The following SYNE3 variants were observed in gnomAD, a reference collection of about 807,000 sequenced individuals.
SYNE3 encodes spectrin repeat containing nuclear envelope family member 3.
In SYNE3, 100 loss-of-function variants were observed where a neutral mutation model predicts 111.2. The observed-to-expected ratio is 0.90, with a 90% CI of 0.77 to 1.06. The LOEUF (loss-of-function observed/expected upper bound fraction) is 1.06. Among genes scored for constraint, SYNE3 ranks in the 50% least tolerant of loss-of-function variants. The probability of loss-of-function intolerance (pLI) is 0.00; values close to 1 mark genes in which losing one functional copy is unlikely to be tolerated. For synonymous variants in SYNE3, 547 were observed against 533.9 expected, an observed-to-expected ratio of 1.02 and a Z score of -0.34; for missense variants, 1,160 against 1,240.3, an observed-to-expected ratio of 0.94 and a Z score of 0.97.
rs757846127 is a variant in SYNE3 at position 95,439,891 on chromosome 14, G to A, written c.2073+23C>T. On this transcript the variant is annotated intron_variant, in intron 12 of 17. Coordinates refer to ENST00000682763, the MANE Select transcript of SYNE3 (RefSeq NM_152592.6). Reference sequence around the variant, plus strand: ...TGTCAAGGCTGCTTCTTTGGGAAGTGGGTGAGGGAACCACCGCCTTACCTC... The same window carrying A: ...TGTCAAGGCTGCTTCTTTGGGAAGTAGGTGAGGGAACCACCGCCTTACCTC... 60 of 1,604,022 alleles carry A rather than the reference G, an allele frequency of 3.7e-5. 1 individual carries two copies. In the East Asian group the frequency reaches 1.3e-3, roughly 36 times the overall value.
intron 1 of SYNE3, among the ~76,000 whole-genome samples, chr14:95,506,915 C>T (rs1009345914): frequency 3.3e-5 from 5 of 152,196 alleles, no homozygotes; most frequent in Non-Finnish European, 7.4e-5. Flanking sequence ...TCCAGGAGCA[C>T]AGAGAAACTC....
intron 1 of SYNE3, among the ~76,000 whole-genome samples, chr14:95,512,581 G>A (rs1221238052): frequency 6.7e-6 from 1 of 150,330 alleles, no homozygotes; most frequent in Non-Finnish European, 1.5e-5. Context: ...GGCTGGGCAC[G>A]GTGGCTCATG....
At chr14:95,423,758 T>G in intron 17 of SYNE3, among the ~76,000 whole-genome samples, 1 of 88,830 alleles carries the variant, frequency 1.1e-5, no homozygotes, top group Non-Finnish European at 2.2e-5. Flanking sequence ...TTGATGGGGA[T>G]GGGGTTTTGA....
intron 1 of SYNE3, among the ~76,000 whole-genome samples, chr14:95,509,591 G>C (rs935896002): frequency 8.5e-5 from 13 of 152,218 alleles, no homozygotes; most frequent in Admixed American, 8.5e-4. Flanking sequence ...ACAGAGACTA[G>C]CCCAGGTGAA....
At chr14:95,430,764 C>T (rs1340955371) in intron 17 of SYNE3, among the ~76,000 whole-genome samples, 2 of 149,722 alleles carry the variant, frequency 1.3e-5, no homozygotes, top group Non-Finnish European at 2.9e-5. Flanking sequence ...GCAGAGGTTG[C>T]AGTGAGCTGA....
rs755486551 is a variant in SYNE3, at chr14:95,466,004, C to A, written c.554G>T (p.Gly185Val). ...GGCATCTTCGTCCACGCTGGGGTCC[C>A]CGATCCTGTTGAACAGGGAGGCTGC... ...EEAASLFNRI[G>V]DPSVDEDAQK... The change falls in exon 4 of 18, where the codon GGG (glycine) becomes GTG (valine). Residue 185 changes from glycine (G) to valine (V), a missense_variant. Transcript: ENST00000682763. The A allele has an allele frequency of 3.0e-5, 49 of 1,610,772 alleles. No homozygotes were observed. The highest frequency in any genetic ancestry group is 3.9e-5 in the Non-Finnish European group (46 of 1,177,342).
In SYNE3 at chr14:95,432,150, G is replaced by GA. The variant is rs539438627; in HGVS notation, c.2689-34dup. 336 of 1,589,144 alleles carry GA rather than the reference G, an allele frequency of 2.1e-4. 1 individual carries two copies. The highest frequency in any genetic ancestry group is 1.4e-3 in the East Asian group (63 of 44,500). On this transcript the variant is annotated intron_variant, in intron 16 of 17. Transcript: ENST00000682763. ...TTTAGGGAAGGAGAGGAAAAGGGGG[G>GA]AAAAAAATAAGTTAAGTGAGTGAAA...
chr14:95,463,294 G>C (rs1256795150), intron 4 of SYNE3, among the ~76,000 whole-genome samples: 1 of 152,204 alleles, frequency 6.6e-6, no homozygotes, highest in African/African-American at 2.4e-5. Flanking sequence ...ATAGCGTTTT[G>C]GATTGTGTGA....
chr14:95,427,822 T>C (rs1211171), intron 17 of SYNE3, among the ~76,000 whole-genome samples: 67,914 of 152,020 alleles, frequency 0.45, 16,282 homozygotes, highest in Admixed American at 0.55. Context: ...CTCTTTGTCT[T>C]GTGTCTTTAT....
intron 6 of SYNE3, among the ~76,000 whole-genome samples, chr14:95,453,587 T>C (rs1348551642): frequency 6.6e-6 from 1 of 152,220 alleles, no homozygotes; most frequent in Non-Finnish European, 1.5e-5. Context: ...CTATGAAAGT[T>C]TTCACGGAAG....
At chr14:95,483,196 G>A (rs1889358403) in intron 1 of SYNE3, among the ~76,000 whole-genome samples, 1 of 152,170 alleles carries the variant, frequency 6.6e-6, no homozygotes, top group Non-Finnish European at 1.5e-5. Context: ...TTCTGCTCTG[G>A]AACTCAGAAG....
At chr14:95,489,287 A>G (rs1470659550) in intron 1 of SYNE3, among the ~76,000 whole-genome samples, 1 of 152,216 alleles carries the variant, frequency 6.6e-6, no homozygotes, top group Non-Finnish European at 1.5e-5. Flanking sequence ...CATCTCCTAC[A>G]GGTCCCAGAC....
At position 95,468,449 on chromosome 14, in the gene SYNE3, ATC is replaced by A. The variant is rs534134470; in HGVS notation, c.145-484_145-483del. ...AGGGCCCAGCTGAGCCTCCAGAATC[ATC>A]TCTGTCTTTCGCAGTTTGCACCAGA... On this transcript the variant is annotated intron_variant, in intron 2 of 17. Coordinates refer to ENST00000682763, the MANE Select transcript of SYNE3 (RefSeq NM_152592.6). Among the ~76,000 whole-genome samples, 16 of 152,310 alleles carry A rather than the reference ATC, an allele frequency of 1.1e-4. No homozygotes were observed. The East Asian group carries it at 2.3e-3, about 22-fold the overall frequency.
intron 1 of SYNE3, among the ~76,000 whole-genome samples, chr14:95,483,110 C>T (rs1438219679): frequency 6.6e-6 from 1 of 152,194 alleles, no homozygotes; most frequent in Non-Finnish European, 1.5e-5. Flanking sequence ...CAACTGAGCC[C>T]CCCAGCTGCC....
At chr14:95,428,434 T>A (rs746257043) in intron 17 of SYNE3, among the ~76,000 whole-genome samples, 1 of 152,216 alleles carries the variant, frequency 6.6e-6, no homozygotes, top group Non-Finnish European at 1.5e-5. Context: ...TGAAAAATTA[T>A]GAGTCTTAAA....
In SYNE3 at chr14:95,409,325, G is replaced by A. The variant is rs916424799; in HGVS notation, c.*8501C>T. 1.1e-5 allele frequency: 5 copies of A among 456,578 alleles called. No individual in the cohort carries two copies. Among genetic ancestry groups the A allele is most frequent in the South Asian group, 3.1e-5 (2 of 64,564 alleles). The allele number at this position is 456,578 out of a possible 1,614,324, so 28.3% of individuals were successfully genotyped here. On this transcript the variant is annotated 3_prime_UTR_variant, in exon 18 of 18. Coordinates refer to ENST00000682763, the MANE Select transcript of SYNE3 (RefSeq NM_152592.6). ...TGTCATGACCATATTGCAGGCGCTC[G>A]GGGTATGTTTTCTTCCCTCCCTTTC...
chr14:95,427,467 G>A (rs944354479), intron 17 of SYNE3, among the ~76,000 whole-genome samples: 5 of 152,178 alleles, frequency 3.3e-5, no homozygotes, highest in African/African-American at 1.2e-4. Context: ...CCACTTTGAT[G>A]TTCCATCCTG....
Position 95,482,037 on chromosome 14 carries a change from C to T in SYNE3, c.-14-6202G>A, listed in dbSNP as rs1162227527. On this transcript the variant is annotated intron_variant, in intron 1 of 17. Transcript: ENST00000682763. ...CCAAAGCTCAGGGTGCTGGGTGGGG[C>T]CCCTACTTGGCTTTGCAATGCCACT... Among the ~76,000 whole-genome samples, 3 of 152,366 alleles carry T rather than the reference C, an allele frequency of 2.0e-5. No individual in the cohort carries two copies. In the South Asian group the frequency reaches 6.2e-4, roughly 32 times the overall value.
chr14:95,500,859 C>T lies in SYNE3; in HGVS notation c.-15+15737G>A, dbSNP rs940513696. ...CAGCACACGAGCCCCATTCTTTGTA[C>T]TCCCAGTGGGGGATCGGGGGCGGTG... On this transcript the variant is annotated intron_variant, in intron 1 of 17. Coordinates refer to ENST00000682763, the MANE Select transcript of SYNE3 (RefSeq NM_152592.6). This position sits in a 1 kb window ranked among gnomAD's most constrained non-coding sequence, Gnocchi z 4.7. Among the ~76,000 whole-genome samples the T allele has an allele frequency of 2.0e-5, 3 of 152,244 alleles. No individual in the cohort carries two copies. The highest frequency in any genetic ancestry group is 4.8e-5 in the African/African-American group (2 of 41,464).
Sources: allele counts gnomAD v4.1 joint callset (sites outside exome capture counted in the v4.1 genomes callset), GRCh38; gene constraint gnomAD v4.1.1; non-coding constraint Gnocchi (gnomAD v3.1); transcripts MANE v1.5; gene names NCBI Gene and HGNC (gene_info 2026-07-23, HGNC 2026-07-21).